ARHGAP15: variants seen among roughly 807,000 people sequenced by gnomAD.
ARHGAP15 encodes rho GTPase-activating protein 15.
Under a neutral mutation model 63.7 loss-of-function variants are expected in ARHGAP15, and 51 were observed. The ratio of observed to expected loss-of-function variants is 0.80; its 90% CI spans 0.64 to 1.01. The LOEUF is 1.01. Among genes scored for constraint, ARHGAP15 ranks in the 50% least tolerant of loss-of-function variants. The pLI, the probability that ARHGAP15 is intolerant of heterozygous loss-of-function variation, is 0.00. For synonymous variants in ARHGAP15, 191 were observed against 193.8 expected (o/e 0.99, Z 0.12); for missense variants, 560 against 564.6 (o/e 0.99, Z 0.08).
At chr2:143,666,554 A>C (rs371662075) in intron 12 of ARHGAP15, among the ~76,000 whole-genome samples, 20 of 139,038 alleles carry the variant, frequency 1.4e-4, no homozygotes, top group East Asian at 8.2e-4. Context: ...GCAACAAAAG[A>C]CAAAATTGAC....
intron 6 of ARHGAP15, among the ~76,000 whole-genome samples, chr2:143,277,598 A>G (rs189617749): frequency 9.2e-5 from 14 of 152,084 alleles, no homozygotes; most frequent in Admixed American, 5.2e-4. Flanking sequence ...AAATGCACCT[A>G]TTTATAGACA....
In ARHGAP15 at chr2:143,286,357, C is replaced by T. The variant is rs76238816; in HGVS notation, c.474+35757C>T. On this transcript the variant is annotated intron_variant, in intron 6 of 13. Coordinates refer to ENST00000295095, the MANE Select transcript of ARHGAP15 (RefSeq NM_018460.4). ...TGCTATGCTGGTTTCTGATCAGATCCGTTTTTCCTCTATCCATTTTACACA... is the reference window on the plus strand; with the variant it reads ...TGCTATGCTGGTTTCTGATCAGATCTGTTTTTCCTCTATCCATTTTACACA... 4.3e-3 allele frequency among the ~76,000 whole-genome samples: 655 copies of T among 152,102 alleles called. 5 individuals are homozygous for T. Among genetic ancestry groups the T allele is most frequent in the African/African-American group, 0.015 (606 of 41,424 alleles).
At chr2:143,692,691 A>AC (rs1369433596) in intron 12 of ARHGAP15, among the ~76,000 whole-genome samples, 1 of 152,218 alleles carries the variant, frequency 6.6e-6, no homozygotes, top group East Asian at 1.9e-4. Flanking sequence ...AGAAGACTGC[A>AC]CCAAATTGTG....
intron 6 of ARHGAP15, among the ~76,000 whole-genome samples, chr2:143,335,444 CTG>C (rs1055092027): frequency 1.5e-4 from 22 of 148,674 alleles, no homozygotes; most frequent in Non-Finnish European, 2.6e-4. Flanking sequence ...TAAAGGGTGT[CTG>C]TGGGTAGTAG....
chr2:143,578,663 T>C (rs1191264645), intron 11 of ARHGAP15, among the ~76,000 whole-genome samples: 1 of 152,168 alleles, frequency 6.6e-6, no homozygotes, highest in Non-Finnish European at 1.5e-5. Context: ...GAGAAAACTG[T>C]TTACTGTTTT....
chr2:143,765,245 C>G (rs72861319), intron 13 of ARHGAP15, among the ~76,000 whole-genome samples: 7,932 of 151,816 alleles, frequency 0.052, 257 homozygotes, highest in African/African-American at 0.088. Flanking sequence ...TTACTAATGG[C>G]TTTTATAATA....
chr2:143,449,340 T>C (rs1033803315), intron 8 of ARHGAP15, among the ~76,000 whole-genome samples: 2 of 152,096 alleles, frequency 1.3e-5, no homozygotes, highest in African/African-American at 4.8e-5. Flanking sequence ...CAAAATCCAT[T>C]TGAAATTCTA....
intron 9 of ARHGAP15, among the ~76,000 whole-genome samples, chr2:143,508,710 TATA>T (rs1693433705): frequency 1.1e-5 from 1 of 94,188 alleles, no homozygotes; most frequent in Admixed American, 1.1e-4. Context: ...AGTAGACAAA[TATA>T]GAAGAATTTC....
At chr2:143,466,887 A>T (rs1211643798) in intron 8 of ARHGAP15, among the ~76,000 whole-genome samples, 1 of 152,128 alleles carries the variant, frequency 6.6e-6, no homozygotes, top group African/African-American at 2.4e-5. Flanking sequence ...GTAATGGCAA[A>T]ATGTACTTCT....
Position 143,250,590 on chromosome 2 carries a change from A to C in ARHGAP15, c.464A>C (p.Asn155Thr). The change falls in exon 6 of 14, where the codon AAT (asparagine) becomes ACT (threonine). Residue 155 changes from asparagine to threonine, a missense_variant. Coordinates refer to ENST00000295095, the MANE Select transcript of ARHGAP15 (RefSeq NM_018460.4). ...GCCAAGGAAAAATCGAGCAGAAAGA[A>C]TGTCTTTCAGGTAAGAATGTTACAT... ...EWAKEKSSRK[N>T]VFQITTVSGN... 6.2e-7 allele frequency: 1 copy of C among 1,612,544 alleles called. No homozygotes were observed. Among genetic ancestry groups the C allele is most frequent in the Non-Finnish European group, 8.5e-7 (1 of 1,178,784 alleles).
At chr2:143,637,746 A>C (rs74617509) in intron 12 of ARHGAP15, among the ~76,000 whole-genome samples, 10 of 151,936 alleles carry the variant, frequency 6.6e-5, no homozygotes, top group Admixed American at 2.6e-4. Context: ...AAAAAAAAAA[A>C]CTCATCCGAC....
chr2:143,560,399 T>C (rs1695971241), intron 11 of ARHGAP15, among the ~76,000 whole-genome samples: 1 of 152,208 alleles, frequency 6.6e-6, no homozygotes, highest in Admixed American at 6.5e-5. Context: ...CTATTATTAT[T>C]CCCATTTTAC....
At chr2:143,589,615 T>C (rs1697246594) in intron 11 of ARHGAP15, among the ~76,000 whole-genome samples, 1 of 152,140 alleles carries the variant, frequency 6.6e-6, no homozygotes, top group Non-Finnish European at 1.5e-5. Flanking sequence ...TGCATATCAT[T>C]GCCTTAAACC....
chr2:143,154,428 C>T (rs1248353549), intron 1 of ARHGAP15, among the ~76,000 whole-genome samples: 1 of 151,868 alleles, frequency 6.6e-6, no homozygotes, highest in Non-Finnish European at 1.5e-5. Flanking sequence ...TATACACTTG[C>T]CTCCTTAAAA....
At chr2:143,628,590 T>C (rs897612540) in intron 12 of ARHGAP15, among the ~76,000 whole-genome samples, 8 of 152,150 alleles carry the variant, frequency 5.3e-5, no homozygotes, top group Non-Finnish European at 8.8e-5. Flanking sequence ...GCTTCAGCTT[T>C]GACCAGACAG....
chr2:143,626,999 C>T (rs1012306585), intron 12 of ARHGAP15, among the ~76,000 whole-genome samples: 4 of 152,064 alleles, frequency 2.6e-5, no homozygotes, highest in African/African-American at 9.7e-5. Flanking sequence ...TAAAAGAAGC[C>T]CAAGAGAAAC....
At chr2:143,311,062 C>A (rs1312982509) in intron 6 of ARHGAP15, among the ~76,000 whole-genome samples, 1 of 151,964 alleles carries the variant, frequency 6.6e-6, no homozygotes, top group Non-Finnish European at 1.5e-5. Flanking sequence ...ATATGAACTT[C>A]ACATAATATG....
chr2:143,534,329 A>T (rs1482282560), intron 10 of ARHGAP15, among the ~76,000 whole-genome samples: 1 of 152,214 alleles, frequency 6.6e-6, no homozygotes, highest in South Asian at 2.1e-4. Flanking sequence ...TGAGTCAATT[A>T]AACCTCTTTC....
chr2:143,637,978 A>G (rs1574748244), intron 12 of ARHGAP15, among the ~76,000 whole-genome samples: 1 of 151,492 alleles, frequency 6.6e-6, no homozygotes, highest in African/African-American at 2.4e-5. Context: ...TTAGAATGGC[A>G]ATCATTAAAA....
Sources: gnomAD v4.1 joint callset for allele counts (sites outside exome capture counted in the v4.1 genomes callset) on GRCh38, gnomAD v4.1.1 for gene constraint, MANE v1.5 for transcripts, NCBI Gene and HGNC (gene_info 2026-07-23, HGNC 2026-07-21) for gene names.